NEBL: variants seen among roughly 807,000 people sequenced by gnomAD.
NEBL encodes the protein nebulette.
NEBL carries 122 observed loss-of-function variants against 140.2 expected under a neutral mutation model. That is an observed-to-expected ratio of 0.87 (90% CI 0.75 to 1.01). The LOEUF (loss-of-function observed/expected upper bound fraction) is 1.01, where lower values mean the gene tolerates loss of function less well. NEBL is among the 50% of genes least tolerant of loss of function. The pLI, the probability that NEBL is intolerant of heterozygous loss-of-function variation, is 0.00. For synonymous variants in NEBL, 436 were observed against 398.9 expected, an observed-to-expected ratio of 1.09 and a Z score of -1.11; for missense variants, 1,365 against 1,231.3, an observed-to-expected ratio of 1.11 and a Z score of -1.62.
intron 2 of NEBL, chr10:21,172,079 A>G: frequency 2.5e-6 from 1 of 401,160 alleles, no homozygotes; most frequent in South Asian, 2.7e-5. Flanking sequence ...TGCACTTCAG[A>G]GCCCACACGT....
At position 20,784,154 on chromosome 10, in the gene NEBL, G is replaced by A. The variant is rs1835208145; in HGVS notation, c.*1593C>T. 6.6e-6 allele frequency: 1 copy of A among 152,118 alleles called. No individual in the cohort carries two copies. Among genetic ancestry groups the A allele is most frequent in the African/African-American group, 2.4e-5 (1 of 41,434 alleles). The allele number at this position is 152,118 out of a possible 1,614,324, so 9.4% of individuals were successfully genotyped here. On this transcript the variant is annotated 3_prime_UTR_variant, in exon 28 of 28. Transcript: ENST00000377122. Reference sequence around the variant, plus strand: ...TATAAGGCAGATATCCCCAAGACCCGTACATCTTAGTACTTTTTTGCAGTT... The same window carrying A: ...TATAAGGCAGATATCCCCAAGACCCATACATCTTAGTACTTTTTTGCAGTT...
intron 2 of NEBL, among the ~76,000 whole-genome samples, chr10:21,043,509 A>G (rs1834361550): frequency 6.6e-6 from 1 of 152,244 alleles, no homozygotes; most frequent in Admixed American, 6.5e-5. Context: ...TTTCTCTTTA[A>G]CTAAATAGCA....
intron 2 of NEBL, among the ~76,000 whole-genome samples, chr10:21,139,862 G>A (rs1425491409): frequency 1.3e-5 from 2 of 151,766 alleles, no homozygotes; most frequent in Non-Finnish European, 2.9e-5. Context: ...AAAGTATATG[G>A]AACATGGTCA....
rs190592477 is a variant in NEBL, at chr10:21,272,043, C to T, written n.183-20215G>A. On this transcript the variant is annotated intron_variant and non_coding_transcript_variant, in intron 1 of 8. Transcript: ENST00000675702. The stretch of plus-strand genomic sequence containing the variant: ...TGTAATCTCAGCTCACTGCAAGTTC[C>T]GCCTCCCAGGTTCACACCATTCTTC... 2.1e-4 allele frequency among the ~76,000 whole-genome samples: 32 copies of T among 151,398 alleles called. No individual in the cohort carries two copies. In the East Asian group the frequency reaches 5.3e-3, roughly 25 times the overall value.
chr10:21,279,277 T>C (rs1040141310), intron 1 of NEBL, among the ~76,000 whole-genome samples: 2 of 143,240 alleles, frequency 1.4e-5, no homozygotes, highest in South Asian at 2.2e-4. Context: ...TAGCCATCTT[T>C]TTATTTTTTC....
intron 3 of NEBL, among the ~76,000 whole-genome samples, chr10:21,212,826 T>G (rs1030342947): frequency 4.6e-5 from 7 of 152,354 alleles, no homozygotes; most frequent in African/African-American, 1.7e-4. Context: ...CTCCTTTAGC[T>G]GCTGTGTCAA....
intron 13 of NEBL, among the ~76,000 whole-genome samples, chr10:20,839,367 A>G (rs1841191877): frequency 6.6e-6 from 1 of 152,186 alleles, no homozygotes; most frequent in Admixed American, 6.5e-5. Flanking sequence ...GGTTAATGTG[A>G]TGACAATGTT....
At chr10:21,094,227 A>C (rs1837056810) in intron 2 of NEBL, among the ~76,000 whole-genome samples, 1 of 152,018 alleles carries the variant, frequency 6.6e-6, no homozygotes, top group Non-Finnish European at 1.5e-5. Context: ...TGTAGGCCGG[A>C]GACGGTGGCT....
intron 4 of NEBL, among the ~76,000 whole-genome samples, chr10:20,959,344 T>G (rs1205717444): frequency 6.6e-6 from 1 of 152,166 alleles, no homozygotes; most frequent in Non-Finnish European, 1.5e-5. Flanking sequence ...TTCTGGGGTC[T>G]TTCCAGTCTA....
At chr10:21,077,071 C>T (rs1436301943) in intron 2 of NEBL, among the ~76,000 whole-genome samples, 2 of 151,920 alleles carry the variant, frequency 1.3e-5, no homozygotes, top group African/African-American at 4.8e-5. Context: ...TATATCTTAC[C>T]ACAATTTAAA....
chr10:20,982,678 T>C (rs1350784677), intron 3 of NEBL, among the ~76,000 whole-genome samples: 3 of 152,216 alleles, frequency 2.0e-5, no homozygotes, highest in Non-Finnish European at 4.4e-5. Context: ...TATCTTTTAA[T>C]CACTTAGCAT....
In NEBL at chr10:20,809,504, T is replaced by G. The variant is rs139469852; in HGVS notation, c.2611+302A>C. ...GTATTTCATGAAACAAACCTCCTTT[T>G]GTCTCAGCACTTTAGTGCAATCCAA... On this transcript the variant is annotated intron_variant, in intron 25 of 27. Transcript: ENST00000377122. 7.3e-4 allele frequency among the ~76,000 whole-genome samples: 111 copies of G among 152,314 alleles called. 1 individual carries two copies. The East Asian group carries it at 0.02, about 27-fold the overall frequency.
At chr10:20,963,699 A>G (rs927803960) in intron 3 of NEBL, among the ~76,000 whole-genome samples, 1 of 152,176 alleles carries the variant, frequency 6.6e-6, no homozygotes, top group Admixed American at 6.5e-5. Flanking sequence ...CACCCAGCCT[A>G]GAATCACAGG....
At chr10:21,135,229 A>G (rs912572856) in intron 2 of NEBL, among the ~76,000 whole-genome samples, 1 of 152,222 alleles carries the variant, frequency 6.6e-6, no homozygotes, top group Non-Finnish European at 1.5e-5. Flanking sequence ...AACTGAATAC[A>G]GTAAGAATAT....
At chr10:20,793,435 A>C (rs1588611368) in intron 26 of NEBL, 2 of 797,196 alleles carry the variant, frequency 2.5e-6, no homozygotes, top group Non-Finnish European at 3.0e-6. Flanking sequence ...AGTTACTTGC[A>C]GTGTTTTCAA....
intron 2 of NEBL, among the ~76,000 whole-genome samples, chr10:21,082,761 AT>A (rs71392113): frequency 4.1e-3 from 451 of 109,530 alleles, no homozygotes; most frequent in African/African-American, 0.011. Context: ...GGAGGGATGC[AT>A]TTTTTTTTTT....
At chr10:21,169,070 ATATATATATATATATATATATAT>A (rs1840959270) in intron 2 of NEBL, among the ~76,000 whole-genome samples, 2 of 44,214 alleles carry the variant, frequency 4.5e-5, no homozygotes, top group Non-Finnish European at 8.0e-5. Flanking sequence ...AAAAAAAAAT[ATATATATATATATATATATATAT>A]ATATATATAT....
In NEBL at chr10:20,888,158, T is replaced by C; in HGVS notation, c.308A>G (p.Lys103Arg). The change falls in exon 4 of 28, where the codon AAG becomes AGG. Residue 103 changes from lysine (K) to arginine (R), a missense_variant. Transcript: ENST00000377122. ...IKADLSNSLYKRMPATIDSVF... is the reference protein window; with the variant it reads ...IKADLSNSLYRRMPATIDSVF... Reference sequence around the variant, plus strand: ...ACTGTCAATTGTGGCTGGCATCCGCTTATAAAGAGAATTAGAAAGGTCAGC... The same window carrying C: ...ACTGTCAATTGTGGCTGGCATCCGCCTATAAAGAGAATTAGAAAGGTCAGC... 2 of 1,613,942 alleles carry C rather than the reference T, an allele frequency of 1.2e-6. No individual in the cohort carries two copies. Among genetic ancestry groups the C allele is most frequent in the Middle Eastern group, 1.7e-4 (1 of 6,058 alleles).
Position 20,789,972 on chromosome 10 carries a change from C to A in NEBL, c.2762-2664G>T, listed in dbSNP as rs142560415. 2.2e-3 allele frequency among the ~76,000 whole-genome samples: 326 copies of A among 150,620 alleles called. 3 individuals carry two copies. Among genetic ancestry groups the A allele is most frequent in the African/African-American group, 7.4e-3 (304 of 41,076 alleles). On this transcript the variant is annotated intron_variant, in intron 26 of 27. Transcript: ENST00000377122. ...GTGTGTGTATATATATATATATACA[C>A]ACACACACATACAAGTTATATTTAT...
Sources: gnomAD v4.1 joint callset for allele counts (sites outside exome capture counted in the v4.1 genomes callset) on GRCh38, gnomAD v4.1.1 for gene constraint, MANE v1.5 for transcripts, NCBI Gene and HGNC (gene_info 2026-07-23, HGNC 2026-07-21) for gene names.